Variants in DGKB observed in about 807,000 individuals in gnomAD.
DGKB encodes diacylglycerol kinase beta.
DGKB carries 67 observed loss-of-function variants against 114.3 expected under a neutral mutation model. The ratio of observed to expected loss-of-function variants is 0.59; its 90% CI spans 0.48 to 0.72. The LOEUF is 0.72. Among genes scored for constraint, DGKB ranks in the 30% least tolerant of loss-of-function variants. The pLI is 0.00. For synonymous variants in DGKB, 398 were observed against 323.1 expected (o/e 1.23, Z -2.49); for missense variants, 907 against 975.2 (o/e 0.93, Z 0.93).
At chr7:14,242,871 T>TTTG (rs1229338690) in intron 23 of DGKB, among the ~76,000 whole-genome samples, 1 of 151,606 alleles carries the variant, frequency 6.6e-6, no homozygotes, top group Non-Finnish European at 1.5e-5. Context: ...AGGCTGTTTT[T>TTTG]TTTTTTTTTA....
intron 1 of DGKB, among the ~76,000 whole-genome samples, chr7:14,968,591 G>T (rs1787296353): frequency 6.6e-6 from 1 of 152,074 alleles, no homozygotes; most frequent in African/African-American, 2.4e-5. Flanking sequence ...GACTTTGAAG[G>T]AACCTGAGTG....
chr7:14,394,628 C>T (rs1372867073), intron 21 of DGKB, among the ~76,000 whole-genome samples: 2 of 151,802 alleles, frequency 1.3e-5, no homozygotes, highest in African/African-American at 2.4e-5. Context: ...GTTATATCTT[C>T]ACCTTTCTTC....
intron 23 of DGKB, among the ~76,000 whole-genome samples, chr7:14,208,188 T>C (rs902118706): frequency 2.0e-5 from 3 of 152,024 alleles, no homozygotes; most frequent in Non-Finnish European, 4.4e-5. Context: ...ATTCAACACA[T>C]TTAGTGCTAT....
At chr7:14,494,158 C>G (rs188686193) in intron 20 of DGKB, among the ~76,000 whole-genome samples, 1 of 151,842 alleles carries the variant, frequency 6.6e-6, no homozygotes, top group African/African-American at 2.4e-5. Context: ...CTTTTAAAGG[C>G]CCCCTTGTTC....
chr7:14,318,205 C>A (rs1806995694), intron 23 of DGKB, among the ~76,000 whole-genome samples: 1 of 124,910 alleles, frequency 8.0e-6, no homozygotes, highest in Admixed American at 8.3e-5. Flanking sequence ...CTAGGCATTA[C>A]CATTCAGGAC....
At chr7:14,742,417 T>C (rs1487032922) in intron 4 of DGKB, among the ~76,000 whole-genome samples, 1 of 152,226 alleles carries the variant, frequency 6.6e-6, no homozygotes, top group Non-Finnish European at 1.5e-5. Flanking sequence ...ATACAAGCTG[T>C]AGTAACTTTT....
At chr7:14,736,283 G>A in intron 4 of DGKB, 89 bp from the exon 5 acceptor site, 3 of 795,950 alleles carry the variant, frequency 3.8e-6, no homozygotes, top group Non-Finnish European at 1.9e-6. Flanking sequence ...AAGTAGAAAT[G>A]ACCTCAAACC....
chr7:14,312,501 C>T (rs1398592580), intron 23 of DGKB, among the ~76,000 whole-genome samples: 2 of 152,142 alleles, frequency 1.3e-5, no homozygotes, highest in African/African-American at 2.4e-5. Context: ...TTTAAAATGT[C>T]CTTGATGAAG....
intron 21 of DGKB, among the ~76,000 whole-genome samples, chr7:14,462,284 G>T (rs185712824): frequency 6.6e-6 from 1 of 152,026 alleles, no homozygotes; most frequent in Admixed American, 6.6e-5. Flanking sequence ...AGAAATAAAG[G>T]GTATTCAAAT....
At chr7:14,682,997 T>C (rs1821096231) in intron 10 of DGKB, among the ~76,000 whole-genome samples, 156 bp from the exon 11 acceptor site, 1 of 152,178 alleles carries the variant, frequency 6.6e-6, no homozygotes, top group Non-Finnish European at 1.5e-5. Context: ...CGACTGTTTT[T>C]ACCATGGAAT....
chr7:14,811,934 A>G (rs75820530), intron 2 of DGKB, among the ~76,000 whole-genome samples: 2,533 of 152,130 alleles, frequency 0.017, 62 homozygotes, highest in African/African-American at 0.058. Flanking sequence ...TTACTCATCA[A>G]ACTAACTCCC....
At chr7:14,884,552 T>C (rs1278383549) in intron 1 of DGKB, among the ~76,000 whole-genome samples, 1 of 151,970 alleles carries the variant, frequency 6.6e-6, no homozygotes, top group Non-Finnish European at 1.5e-5. Context: ...CCTGACAGCC[T>C]GACTTTTTCT....
chr7:14,283,788 T>C (rs1800361900), intron 23 of DGKB, among the ~76,000 whole-genome samples: 1 of 152,082 alleles, frequency 6.6e-6, no homozygotes, highest in Non-Finnish European at 1.5e-5. Context: ...TAATAAATGG[T>C]GCTGGGAAAA....
At chr7:14,299,487 A>G (rs1283353951) in intron 23 of DGKB, among the ~76,000 whole-genome samples, 1 of 152,162 alleles carries the variant, frequency 6.6e-6, no homozygotes, top group African/African-American at 2.4e-5. Context: ...AAGAAAAGGC[A>G]GTTTTGTTGC....
chr7:14,540,014 C>T (rs1793160936), intron 20 of DGKB, among the ~76,000 whole-genome samples: 1 of 151,900 alleles, frequency 6.6e-6, no homozygotes, highest in South Asian at 2.1e-4. Flanking sequence ...TTATATACTA[C>T]TCATTTGTGG....
intron 21 of DGKB, among the ~76,000 whole-genome samples, chr7:14,408,958 C>T (rs976698101): frequency 1.3e-5 from 2 of 151,972 alleles, no homozygotes; most frequent in Non-Finnish European, 2.9e-5. Flanking sequence ...TCATTTACTA[C>T]CATAAAGTAT....
At chr7:14,450,487 A>G (rs1359949404) in intron 21 of DGKB, among the ~76,000 whole-genome samples, 1 of 152,144 alleles carries the variant, frequency 6.6e-6, no homozygotes, top group East Asian at 1.9e-4. Flanking sequence ...GCAAAGCCCT[A>G]CAGTGGCTGA....
intron 23 of DGKB, among the ~76,000 whole-genome samples, chr7:14,251,255 A>C (rs941114237): frequency 4.0e-5 from 6 of 151,890 alleles, no homozygotes; most frequent in African/African-American, 1.5e-4. Flanking sequence ...TTGTGCTGCT[A>C]TACTGTGATT....
intron 1 of DGKB, among the ~76,000 whole-genome samples, chr7:14,894,153 G>A (rs1314361936): frequency 2.0e-5 from 3 of 151,292 alleles, no homozygotes; most frequent in Non-Finnish European, 4.4e-5. Flanking sequence ...TTTTAGAGAT[G>A]CCGATTCTCA....
Sources: gnomAD v4.1 joint callset for allele counts (sites outside exome capture counted in the v4.1 genomes callset) on GRCh38, gnomAD v4.1.1 for gene constraint, MANE v1.5 for transcripts, NCBI Gene and HGNC (gene_info 2026-07-23, HGNC 2026-07-21) for gene names.